The following C8orf34 variants were observed in gnomAD, a reference collection of about 807,000 sequenced individuals.
C8orf34 encodes uncharacterized protein C8orf34.
In C8orf34, 65 loss-of-function variants were observed where a neutral mutation model predicts 68.3. That is an observed-to-expected ratio of 0.95 (90% CI 0.78 to 1.17). The LOEUF is 1.17. Among genes scored for constraint, C8orf34 ranks in the 50% most tolerant of loss-of-function variants. C8orf34 has a pLI of 0.00. For synonymous variants in C8orf34, 244 were observed against 241.2 expected, an observed-to-expected ratio of 1.01 and a Z score of -0.11; for missense variants, 664 against 655.4, an observed-to-expected ratio of 1.01 and a Z score of -0.14.
At chr8:68,333,242 T>C (rs867541764) in intron 1 of C8orf34, among the ~76,000 whole-genome samples, 1 of 152,184 alleles carries the variant, frequency 6.6e-6, no homozygotes, top group African/African-American at 2.4e-5. Context: ...CAGCAAGTTA[T>C]GCGCTGAAGA....
At chr8:68,480,360 A>G (rs934696653) in intron 4 of C8orf34, among the ~76,000 whole-genome samples, 1 of 152,228 alleles carries the variant, frequency 6.6e-6, no homozygotes, top group Admixed American at 6.5e-5. Flanking sequence ...TGTAAGTCCA[A>G]TTAAACCTCT....
chr8:68,477,579 A>G (rs1391575969), intron 4 of C8orf34, among the ~76,000 whole-genome samples: 1 of 152,208 alleles, frequency 6.6e-6, no homozygotes, highest in Non-Finnish European at 1.5e-5. Context: ...GTGCTCCTGG[A>G]AAAGCCACAG....
At position 68,483,198 on chromosome 8, in the gene C8orf34, T is replaced by C. The variant is rs1468895316; in HGVS notation, c.737-4825T>C. 5.9e-5 allele frequency among the ~76,000 whole-genome samples: 9 copies of C among 152,306 alleles called. No homozygotes were observed. In the East Asian group the frequency reaches 1.2e-3, roughly 20 times the overall value. On this transcript the variant is annotated intron_variant, in intron 4 of 13. Coordinates refer to ENST00000518698, the MANE Select transcript of C8orf34 (RefSeq NM_052958.4). The stretch of plus-strand genomic sequence containing the variant: ...CTTGAAGAAACCTATTGCTCTTATT[T>C]CGCTTATAGGAGGCAACTCAAATAT...
chr8:68,378,666 A>G (rs994155621), intron 1 of C8orf34, among the ~76,000 whole-genome samples: 1 of 152,364 alleles, frequency 6.6e-6, no homozygotes, highest in East Asian at 1.9e-4. Flanking sequence ...GTTCCTGAGC[A>G]ATTTAACCAA....
rs1810876622 is a variant in C8orf34 at position 68,440,923 on chromosome 8, G to C, written c.475+1277G>C. ...GGGTTCACGCCATTCTCCTGCTTCA[G>C]CCTCCCGAGTAGCTGGAACTACAGG... On this transcript the variant is annotated intron_variant, in intron 2 of 13. Transcript: ENST00000518698. Among the ~76,000 whole-genome samples, 2 of 151,632 alleles carry C rather than the reference G, an allele frequency of 1.3e-5. 1 individual carries two copies. The highest frequency in any genetic ancestry group is 4.2e-4 in the South Asian group (2 of 4,812).
chr8:68,703,326 C>A (rs921669956), intron 8 of C8orf34, among the ~76,000 whole-genome samples: 2 of 152,130 alleles, frequency 1.3e-5, no homozygotes, highest in African/African-American at 2.4e-5. Flanking sequence ...TTTCCTCTAG[C>A]AAGATCTCAC....
chr8:68,651,236 T>C (rs561551886), intron 8 of C8orf34, among the ~76,000 whole-genome samples: 27 of 152,106 alleles, frequency 1.8e-4, no homozygotes, highest in Admixed American at 5.9e-4. Context: ...AGGAAATGGA[T>C]GATGTGAGAG....
intron 7 of C8orf34, among the ~76,000 whole-genome samples, chr8:68,617,473 A>C (rs1818259024): frequency 1.3e-5 from 2 of 152,186 alleles, no homozygotes; most frequent in Non-Finnish European, 2.9e-5. Flanking sequence ...CTTGTAGGGC[A>C]GGCCTTGTGG....
chr8:68,408,746 G>A (rs1809312849), intron 1 of C8orf34, among the ~76,000 whole-genome samples: 1 of 152,092 alleles, frequency 6.6e-6, no homozygotes, highest in South Asian at 2.1e-4. Flanking sequence ...GGTGATGCTG[G>A]TGTGAACAAA....
chr8:68,486,544 A>G (rs1017725358), intron 4 of C8orf34, among the ~76,000 whole-genome samples: 9 of 152,184 alleles, frequency 5.9e-5, no homozygotes, highest in Admixed American at 4.6e-4. Flanking sequence ...CTGTGTTTCT[A>G]GTGTCATCTA....
intron 8 of C8orf34, among the ~76,000 whole-genome samples, chr8:68,664,092 T>G (rs1286855214): frequency 6.6e-6 from 1 of 152,154 alleles, no homozygotes; most frequent in Non-Finnish European, 1.5e-5. Context: ...AGACAGCCAA[T>G]GAGCACAGAC....
Position 68,658,314 on chromosome 8 carries a change from A to T in C8orf34, c.1241+17803A>T, listed in dbSNP as rs1585684722. Among the ~76,000 whole-genome samples, 3 of 138,416 alleles carry T rather than the reference A, an allele frequency of 2.2e-5. No homozygotes were observed. In the East Asian group the frequency reaches 8.6e-4, roughly 40 times the overall value. 90.8% of individuals were successfully genotyped at this position (138,416 alleles called of 152,430 possible). The stretch of plus-strand genomic sequence containing the variant: ...AAATTTCCCTCCCCTTTGAATAATG[A>T]CTGAGCTATCCATTACTGTTCCATT... On this transcript the variant is annotated intron_variant, in intron 8 of 13. Transcript: ENST00000518698.
rs568176537 is a variant in C8orf34, at chr8:68,614,385, A to G, written c.1106-25991A>G. On this transcript the variant is annotated intron_variant, in intron 7 of 13. Coordinates refer to ENST00000518698, the MANE Select transcript of C8orf34 (RefSeq NM_052958.4). ...TGCCCATGCCTATGTCCTGAATGGT[A>G]ATGCCTAGGTTTTCTTCTAGGGTTT... 2.2e-3 allele frequency among the ~76,000 whole-genome samples: 336 copies of G among 151,912 alleles called. 1 individual carries two copies. Among genetic ancestry groups the G allele is most frequent in the Non-Finnish European group, 4.2e-3 (285 of 67,716 alleles).
intron 7 of C8orf34, chr8:68,625,643 A>G (rs1214983339): frequency 1.4e-6 from 1 of 701,800 alleles, no homozygotes; most frequent in Non-Finnish European, 2.6e-6. Context: ...CTTGCATCTC[A>G]GCGGTGGGAA....
chr8:68,717,042 A>C (rs187866424), intron 9 of C8orf34, among the ~76,000 whole-genome samples: 1 of 151,896 alleles, frequency 6.6e-6, no homozygotes, highest in Admixed American at 6.5e-5. Flanking sequence ...TAGAGATTGA[A>C]GATTTCCGTG....
At chr8:68,684,796 T>A (rs535901742) in intron 8 of C8orf34, among the ~76,000 whole-genome samples, 100 of 151,220 alleles carry the variant, frequency 6.6e-4, no homozygotes, top group Non-Finnish European at 1.1e-3. Context: ...AAAAAAAAAA[T>A]ATTTTTTTTA....
chr8:68,765,908 G>A (rs184199643), intron 10 of C8orf34, among the ~76,000 whole-genome samples: 214 of 152,242 alleles, frequency 1.4e-3, no homozygotes, highest in Non-Finnish European at 2.3e-3. Context: ...TTACAAGTCA[G>A]TGAAAAATAA....
intron 8 of C8orf34, among the ~76,000 whole-genome samples, chr8:68,664,630 G>T (rs1399031929): frequency 6.6e-6 from 1 of 152,112 alleles, no homozygotes; most frequent in Non-Finnish European, 1.5e-5. Flanking sequence ...AAATTATCAG[G>T]ATGTCACCCC....
intron 4 of C8orf34, among the ~76,000 whole-genome samples, chr8:68,480,200 T>A (rs969757354): frequency 1.3e-5 from 2 of 152,200 alleles, no homozygotes; most frequent in Non-Finnish European, 2.9e-5. Context: ...CCTGTGCTAT[T>A]CTCATGCTAG....
Sources: gnomAD v4.1 joint callset for allele counts (sites outside exome capture counted in the v4.1 genomes callset) on GRCh38, gnomAD v4.1.1 for gene constraint, MANE v1.5 for transcripts, NCBI Gene and HGNC (gene_info 2026-07-23, HGNC 2026-07-21) for gene names.